The following DZIP1 variants were observed in gnomAD, a reference collection of about 807,000 sequenced individuals.
DZIP1 encodes the protein DAZ interacting zinc finger protein 1.
A neutral mutation model predicts 107.6 loss-of-function variants in DZIP1; 97 were observed. That is an observed-to-expected ratio of 0.90 (90% CI 0.77 to 1.07). The LOEUF is 1.07. DZIP1 is among the 50% of genes least tolerant of loss of function. The probability of loss-of-function intolerance (pLI) is 0.00; values close to 1 mark genes in which losing one functional copy is unlikely to be tolerated. For synonymous variants in DZIP1, 390 were observed against 386.4 expected (o/e 1.01, Z -0.11); for missense variants, 1,035 against 1,063.6 (o/e 0.97, Z 0.37).
At chr13:95,631,617 G>A (rs1877205628) in intron 6 of DZIP1, among the ~76,000 whole-genome samples, 2 of 152,218 alleles carry the variant, frequency 1.3e-5, no homozygotes, top group African/African-American at 4.8e-5. Flanking sequence ...TCCTTGGTAA[G>A]CCTCAGAGTC....
rs1175097566 is a variant in DZIP1 at position 95,578,653 on chromosome 13, T to C, written c.*3581A>G. 6.6e-6 allele frequency: 1 copy of C among 152,264 alleles called. No individual in the cohort carries two copies. The highest frequency in any genetic ancestry group is 2.4e-5 in the African/African-American group (1 of 41,458). The allele number at this position is 152,264 out of a possible 1,614,324, so 9.4% of individuals were successfully genotyped here. The stretch of plus-strand genomic sequence containing the variant: ...ATGCCCATGGCCACTCAGTAGATTG[T>C]TGAAAAAGCAAAGCCACACCATTCT... On this transcript the variant is annotated 3_prime_UTR_variant, in exon 23 of 23. Transcript: ENST00000376829.
intron 6 of DZIP1, among the ~76,000 whole-genome samples, chr13:95,632,200 G>A (rs573590406): frequency 2.0e-5 from 3 of 152,108 alleles, no homozygotes; most frequent in South Asian, 2.1e-4. Flanking sequence ...GTGATTCCCA[G>A]ATTTAAATCT....
chr13:95,623,750 G>A (rs1876193118), intron 8 of DZIP1, among the ~76,000 whole-genome samples: 1 of 152,138 alleles, frequency 6.6e-6, no homozygotes, highest in African/African-American at 2.4e-5. Flanking sequence ...ACACCATCCT[G>A]GCCAACATGG....
chr13:95,638,858 A>C (rs1878148852), intron 5 of DZIP1, among the ~76,000 whole-genome samples: 1 of 152,214 alleles, frequency 6.6e-6, no homozygotes. Context: ...ACAATTTCTC[A>C]AAGGTAAAAC....
At chr13:95,616,935 T>C (rs1875164655) in intron 10 of DZIP1, among the ~76,000 whole-genome samples, 1 of 152,022 alleles carries the variant, frequency 6.6e-6, no homozygotes, top group Admixed American at 6.6e-5. Context: ...AGGCCAGGCA[T>C]GGTGGCTCAC....
In DZIP1 at chr13:95,629,983, T is replaced by C. The variant is rs1363737021; in HGVS notation, c.810+6A>G. 6.3e-7 allele frequency: 1 copy of C among 1,597,524 alleles called. No homozygotes were observed. The highest frequency in any genetic ancestry group is 8.5e-7 in the Non-Finnish European group (1 of 1,174,236). On this transcript the variant is annotated splice_donor_region_variant and intron_variant, in intron 7 of 22. Transcript: ENST00000376829. ...AATTAAAATACCACAGAATTCTGCC[T>C]GGTACCTTGGAGAATCTGACTGCAC...
At chr13:95,582,399 A>G in intron 22 of DZIP1, 86 bp from the exon 23 acceptor site, 1 of 1,119,730 alleles carries the variant, frequency 8.9e-7, no homozygotes, top group Non-Finnish European at 1.4e-6. Flanking sequence ...ATAATTTCAT[A>G]TTGTCATTAA....
At chr13:95,587,363 C>T (rs2044187524) in intron 20 of DZIP1, among the ~76,000 whole-genome samples, 176 bp downstream of exon 20, 1 of 152,144 alleles carries the variant, frequency 6.6e-6, no homozygotes, top group Non-Finnish European at 1.5e-5. Context: ...CAACTCCTTC[C>T]TCTCCTTCAA....
In DZIP1 at chr13:95,612,189, T is replaced by G. The variant is rs2045034234; in HGVS notation, c.1174-12A>C. The G allele has an allele frequency of 1.2e-6, 2 of 1,606,180 alleles. No homozygotes were observed. Among genetic ancestry groups the G allele is most frequent in the Admixed American group, 1.7e-5 (1 of 59,384 alleles). ...ATATGTGACAGGAGCTGAAAAAAAG[T>G]TAAGAAAGGCATCCATCTGTAAGCT... On this transcript the variant is annotated splice_polypyrimidine_tract_variant and intron_variant, in intron 10 of 22. Transcript: ENST00000376829.
chr13:95,584,519 C>T, intron 22 of DZIP1: 1 of 922,584 alleles, frequency 1.1e-6, no homozygotes, highest in Non-Finnish European at 1.4e-6. Context: ...AATTTAAAGA[C>T]TAAAGATTAG....
rs574143617 is a variant in DZIP1 at position 95,639,481 on chromosome 13, C to T, written c.597+1814G>A. On this transcript the variant is annotated intron_variant, in intron 5 of 22. Transcript: ENST00000376829. The stretch of plus-strand genomic sequence containing the variant: ...TGGTGCACACCTGTAGTCCCAGCTA[C>T]TCAAGAAGCTGAGGTGGGAAAATCG... 1.1e-4 allele frequency among the ~76,000 whole-genome samples: 17 copies of T among 151,750 alleles called. No homozygotes were observed. In the East Asian group the frequency reaches 3.3e-3, roughly 29 times the overall value.
At chr13:95,599,219 T>C in intron 15 of DZIP1, 146 bp downstream of exon 15, 1 of 669,670 alleles carries the variant, frequency 1.5e-6, no homozygotes. Flanking sequence ...GGATACTCTA[T>C]GTGGGTTGAA....
At position 95,641,960 on chromosome 13, in the gene DZIP1, C is replaced by T. The variant is rs769192877; in HGVS notation, c.36+34G>A. The stretch of plus-strand genomic sequence containing the variant: ...CCCCGGTTCTCCCCAGCCCGGCATC[C>T]CCGTCGGGGGCGCCCCGGCCTCCCG... On this transcript the variant is annotated intron_variant, in intron 4 of 22. Transcript: ENST00000376829. The surrounding 1 kb of genome is among the most constrained non-coding windows in gnomAD (Gnocchi z 4.3). 12 of 1,567,640 alleles carry T rather than the reference C, an allele frequency of 7.7e-6. No homozygotes were observed. The highest frequency in any genetic ancestry group is 1.0e-5 in the Non-Finnish European group (12 of 1,162,838).
At chr13:95,582,834 T>C (rs1414029620) in intron 22 of DZIP1, among the ~76,000 whole-genome samples, 1 of 152,128 alleles carries the variant, frequency 6.6e-6, no homozygotes, top group African/African-American at 2.4e-5. Context: ...ACTCTAGAAA[T>C]GTGTTCCTCC....
At chr13:95,595,111 C>T (rs997928306) in intron 15 of DZIP1, among the ~76,000 whole-genome samples, 13 of 152,250 alleles carry the variant, frequency 8.5e-5, no homozygotes, top group Non-Finnish European at 1.3e-4. Flanking sequence ...CAAAGGGTGG[C>T]ATCAAATGCC....
At position 95,589,932 on chromosome 13, in the gene DZIP1, T is replaced by A. The variant is rs1247836800; in HGVS notation, c.1844A>T (p.Asp615Val). Residue 615 changes from aspartate to valine, a missense_variant and splice_region_variant, in exon 18 of 23, where the codon GAT becomes GTT. Physicochemically the swap from Asp to Val is radical, Grantham distance 152. Transcript: ENST00000376829. ...KIEEKALLSS[D>V]QCSVSQMDTL... Reference sequence around the variant, plus strand: ...ATCCATTTGAGAAACACTGCACTGATCTGGAATATAGTGTCATTCATGAGT... The same window carrying A: ...ATCCATTTGAGAAACACTGCACTGAACTGGAATATAGTGTCATTCATGAGT... 9.9e-6 allele frequency: 16 copies of A among 1,613,184 alleles called. No homozygotes were observed. Among genetic ancestry groups the A allele is most frequent in the Non-Finnish European group, 1.1e-5 (13 of 1,179,748 alleles).
rs1313741447 is a variant in DZIP1, at chr13:95,590,056, A to G, written c.1844-124T>C. On this transcript the variant is annotated intron_variant, in intron 17 of 22. Transcript: ENST00000376829. ...TGAACAATCCCATCTCTAGGGTTTA[A>G]AGCCAGACTCTAGGGTTGTTGTTTT... 3 of 1,302,490 alleles carry G rather than the reference A, an allele frequency of 2.3e-6. No individual in the cohort carries two copies. The African/African-American group carries it at 4.5e-5, about 19-fold the overall frequency. The allele number at this position is 1,302,490 out of a possible 1,614,324, so 80.7% of individuals were successfully genotyped here.
Position 95,633,323 on chromosome 13 carries a change from T to C in DZIP1, c.598-2A>G. On this transcript the variant is annotated splice_acceptor_variant, in intron 5 of 22. Coordinates refer to ENST00000376829, the MANE Select transcript of DZIP1 (RefSeq NM_198968.4). LOFTEE classifies it high-confidence loss of function. ...AAAGGCCTTGTCACAAAAATGGCAC[T>C]GAAAAGGAGAGAGCAACAAATCCAA... is the stretch of plus-strand genomic sequence containing the variant. 6.2e-7 allele frequency: 1 copy of C among 1,613,490 alleles called. No individual in the cohort carries two copies. The highest frequency in any genetic ancestry group is 8.5e-7 in the Non-Finnish European group (1 of 1,179,404).
Position 95,587,689 on chromosome 13 carries a change from C to G in DZIP1, c.2068G>C (p.Asp690His), listed in dbSNP as rs771258025. The change falls in exon 20 of 23, where the codon GAC becomes CAC. Residue 690 changes from aspartate to histidine, a missense_variant. Physicochemically the swap from Asp to His is moderately conservative, Grantham distance 81 (BLOSUM62 -1). Transcript: ENST00000376829. ...FSSEEEQEDD[D>H]LIRAYASPGP... ...GGGGATGCGTATGCCCGGATGAGGT[C>G]GTCGTCCTCCTGCTCCTCCTCTGAA... is the stretch of plus-strand genomic sequence containing the variant. 2 of 1,614,060 alleles carry G rather than the reference C, an allele frequency of 1.2e-6. No individual in the cohort carries two copies. Among genetic ancestry groups the G allele is most frequent in the South Asian group, 1.1e-5 (1 of 91,072 alleles).
Sources: allele counts gnomAD v4.1 joint callset (sites outside exome capture counted in the v4.1 genomes callset), GRCh38; gene constraint gnomAD v4.1.1; non-coding constraint Gnocchi (gnomAD v3.1); transcripts MANE v1.5; gene names NCBI Gene and HGNC (gene_info 2026-07-23, HGNC 2026-07-21).